Variants in MYLK observed in about 807,000 individuals in gnomAD.
MYLK encodes myosin light chain kinase, also known as myosin light chain kinase, smooth muscle.
Under a neutral mutation model 203.4 loss-of-function variants are expected in MYLK, and 106 were observed. The ratio of observed to expected loss-of-function variants is 0.52; its 90% confidence interval spans 0.45 to 0.61. The LOEUF is 0.61. Ranked by LOEUF, MYLK falls within the 20% of genes least tolerant of loss-of-function variation. The probability of loss-of-function intolerance (pLI) is 0.00; values close to 1 mark genes in which losing one functional copy is unlikely to be tolerated. For synonymous variants in MYLK, 867 were observed against 959.5 expected (o/e 0.90, Z 1.78); for missense variants, 2,072 against 2,442.3 (o/e 0.85, Z 3.20).
In MYLK at chr3:123,793,668, A is replaced by C. The variant is rs769710546; in HGVS notation, c.165+9T>G. 6.2e-7 allele frequency: 1 copy of C among 1,613,958 alleles called. No individual in the cohort carries two copies. Among genetic ancestry groups the C allele is most frequent in the Non-Finnish European group, 8.5e-7 (1 of 1,179,922 alleles). ...CCCCACAGCCTCCCCATCCAGCCAC[A>C]CTTCTTACCCGCCCTTCGAACTTGG... On this transcript the variant is annotated intron_variant, in intron 4 of 33. Transcript: ENST00000360304.
At chr3:123,721,989 G>T in intron 13 of MYLK, 139 bp downstream of exon 13, 3 of 1,097,854 alleles carry the variant, frequency 2.7e-6, no homozygotes, top group East Asian at 2.6e-5. Context: ...GCCGCTGCCA[G>T]TGGTGTGGAG....
intron 23 of MYLK, among the ~76,000 whole-genome samples, chr3:123,663,231 C>T (rs1403673711): frequency 6.6e-6 from 1 of 152,018 alleles, no homozygotes; most frequent in Admixed American, 6.5e-5. Context: ...GGCACGAAGA[C>T]AGTGTTAAGG....
intron 2 of MYLK, among the ~76,000 whole-genome samples, chr3:123,851,059 G>A (rs1162475416): frequency 2.6e-5 from 4 of 152,084 alleles, no homozygotes; most frequent in African/African-American, 4.8e-5. Context: ...GGTTGTAGAC[G>A]TGTGGTATTA....
rs71332709 is a variant in MYLK, at chr3:123,627,142, A to G, written c.5115-201T>C. ...GGTCTGGGTCACACTAACCAGAACC[A>G]GCATGGGTTGGTGTTAATGAAAGCC... On this transcript the variant is annotated intron_variant, in intron 30 of 33. Transcript: ENST00000360304. Among the ~76,000 whole-genome samples the G allele has an allele frequency of 8.9e-4, 136 of 152,350 alleles. 2 individuals are homozygous for G. Among genetic ancestry groups the G allele is most frequent in the Middle Eastern group, 6.8e-3 (2 of 294 alleles).
At chr3:123,805,492 GT>G (rs143643708) in intron 3 of MYLK, among the ~76,000 whole-genome samples, 27,645 of 152,106 alleles carry the variant, frequency 0.18, 2,972 homozygotes, top group Non-Finnish European at 0.25. Flanking sequence ...AAAATCTAGG[GT>G]TTTTTTCCCA....
chr3:123,784,872 G>A (rs1234051079), intron 4 of MYLK, among the ~76,000 whole-genome samples: 1 of 152,164 alleles, frequency 6.6e-6, no homozygotes, highest in African/African-American at 2.4e-5. Context: ...CTATTAGCAG[G>A]CTTCACATAG....
intron 4 of MYLK, among the ~76,000 whole-genome samples, chr3:123,752,970 T>A (rs910728224): frequency 6.6e-6 from 1 of 152,192 alleles, no homozygotes; most frequent in African/African-American, 2.4e-5. Context: ...CATATCCTGC[T>A]TCTACAGGTC....
chr3:123,695,877 C>T lies in MYLK; in HGVS notation c.3449-3026G>A, dbSNP rs1180852612. On this transcript the variant is annotated intron_variant, in intron 18 of 33. Transcript: ENST00000360304. ...CCACCACAGAGCTCCCCTCAGCTCA[C>T]GGGACCATCGGCCTCCCACCACCCC... Among the ~76,000 whole-genome samples the T allele has an allele frequency of 2.6e-5, 4 of 152,168 alleles. No individual in the cohort carries two copies. The East Asian group carries it at 5.8e-4, about 22-fold the overall frequency.
chr3:123,789,344 G>T (rs2064679170), intron 4 of MYLK, among the ~76,000 whole-genome samples: 1 of 152,128 alleles, frequency 6.6e-6, no homozygotes, highest in African/African-American at 2.4e-5. Context: ...GCCCCCCCAG[G>T]CCTAGCAACA....
At chr3:123,820,758 C>G (rs978927208) in intron 3 of MYLK, among the ~76,000 whole-genome samples, 2 of 151,890 alleles carry the variant, frequency 1.3e-5, no homozygotes, top group African/African-American at 4.8e-5. Context: ...AAGTCTGACT[C>G]TGTTGCCCAG....
At position 123,866,470 on chromosome 3, in the gene MYLK, G is replaced by A. The variant is rs567982027; in HGVS notation, c.-127+10089C>T. ...GGATAAAAATCCTTGCCCTCAAGGA[G>A]CTTACTGTTTAGTGGGAAAAACAGA... On this transcript the variant is annotated intron_variant, in intron 2 of 33. Transcript: ENST00000360304. Among the ~76,000 whole-genome samples the A allele has an allele frequency of 4.1e-4, 62 of 152,306 alleles. No individual in the cohort carries two copies. The South Asian group carries it at 8.9e-3, about 22-fold the overall frequency.
At chr3:123,770,400 A>G (rs930682273) in intron 4 of MYLK, among the ~76,000 whole-genome samples, 3 of 152,206 alleles carry the variant, frequency 2.0e-5, no homozygotes, top group Non-Finnish European at 4.4e-5. Flanking sequence ...TAAATCATCA[A>G]CTAGACAAAA....
chr3:123,794,448 T>C (rs1325470789), intron 3 of MYLK, among the ~76,000 whole-genome samples: 1 of 152,074 alleles, frequency 6.6e-6, no homozygotes, highest in Non-Finnish European at 1.5e-5. Context: ...GAGGACCAGA[T>C]TGTGAACAAG....
chr3:123,663,762 A>G (rs1560037577), intron 23 of MYLK, among the ~76,000 whole-genome samples: 1 of 152,172 alleles, frequency 6.6e-6, no homozygotes, highest in African/African-American at 2.4e-5. Context: ...GGGGCCAAGA[A>G]GTTGACCAAG....
At chr3:123,801,041 A>G (rs2065178188) in intron 3 of MYLK, among the ~76,000 whole-genome samples, 1 of 152,262 alleles carries the variant, frequency 6.6e-6, no homozygotes, top group South Asian at 2.1e-4. Flanking sequence ...TATATTTTCT[A>G]AGACAAAAAA....
intron 2 of MYLK, among the ~76,000 whole-genome samples, chr3:123,837,104 G>C (rs2066491220): frequency 6.6e-6 from 1 of 152,118 alleles, no homozygotes; most frequent in Non-Finnish European, 1.5e-5. Context: ...CAATGGTGCA[G>C]CTCACTGCAA....
At chr3:123,679,447 C>A (rs573111750) in intron 20 of MYLK, among the ~76,000 whole-genome samples, 1 of 152,154 alleles carries the variant, frequency 6.6e-6, no homozygotes, top group Non-Finnish European at 1.5e-5. Flanking sequence ...TTCTGAAGGA[C>A]AAGAGTGCAG....
chr3:123,802,284 C>G (rs2065223593), intron 3 of MYLK, among the ~76,000 whole-genome samples: 1 of 152,218 alleles, frequency 6.6e-6, no homozygotes, highest in Non-Finnish European at 1.5e-5. Flanking sequence ...GGATCCAGGT[C>G]CCTGGGTTCC....
chr3:123,634,924 C>T (rs1036758186), intron 29 of MYLK, among the ~76,000 whole-genome samples: 13 of 152,248 alleles, frequency 8.5e-5, no homozygotes, highest in Admixed American at 8.5e-4. Context: ...TCTCTAGGTA[C>T]TCACACAACC....
Sources: allele counts gnomAD v4.1 joint callset (sites outside exome capture counted in the v4.1 genomes callset), GRCh38; gene constraint gnomAD v4.1.1; transcripts MANE v1.5; gene names NCBI Gene and HGNC (gene_info 2026-07-23, HGNC 2026-07-21).